Variants in MYO1F observed in about 807,000 individuals in gnomAD.
The protein encoded by MYO1F is myosin IF.
MYO1F carries 60 observed loss-of-function variants against 146.6 expected under a neutral mutation model. That is an observed-to-expected ratio of 0.41 (90% CI 0.33 to 0.51). The LOEUF is 0.51. Ranked by LOEUF, MYO1F falls within the 20% of genes least tolerant of loss-of-function variation. The pLI is 0.25. For missense variants in MYO1F, 1,274 were observed against 1,534.3 expected, an observed-to-expected ratio of 0.83 and a Z score of 2.83; for synonymous variants, 602 against 602.1, an observed-to-expected ratio of 1.00 and a Z score of 0.00.
intron 2 of MYO1F, 81 bp downstream of exon 2, chr19:8,555,578 C>G: frequency 6.3e-7 from 1 of 1,591,836 alleles, no homozygotes; most frequent in Non-Finnish European, 8.6e-7. Flanking sequence ...CCTCCCTCTG[C>G]TCCTTCACCC....
At chr19:8,552,675 C>T (rs1973664710) in intron 6 of MYO1F, among the ~76,000 whole-genome samples, 1 of 151,866 alleles carries the variant, frequency 6.6e-6, no homozygotes, top group African/African-American at 2.4e-5. Context: ...ACAGAGGAAA[C>T]TCAGGAAGTT....
intron 13 of MYO1F, 29 bp downstream of exon 13, chr19:8,545,621 G>T (rs575808820): frequency 1.3e-6 from 2 of 1,584,522 alleles, no homozygotes; most frequent in Non-Finnish European, 1.7e-6. Context: ...CCAGTGAGAC[G>T]CCCCCGCCAA....
chr19:8,536,552 C>G lies in MYO1F; in HGVS notation c.1845G>C (p.Arg615Ser), dbSNP rs761041920. The G allele has an allele frequency of 6.2e-7, 1 of 1,611,366 alleles. No individual in the cohort carries two copies. Reference sequence around the variant, plus strand: ...GGTAGGCGAAGCCGGCTCTGCGCACCCTGATGTTCTCCTTCAGGCCCAGGT... The same window carrying G: ...GGTAGGCGAAGCCGGCTCTGCGCACGCTGATGTTCTCCTTCAGGCCCAGGT... The part of the protein sequence containing the change: ...VEYLGLKENI[R>S]VRRAGFAYRR... Residue 615 changes from arginine to serine, a missense_variant, in exon 18 of 28, where the codon AGG (arginine) becomes AGC (serine). By Grantham distance (110) the Arg-to-Ser change is moderately radical (BLOSUM62 -1). This residue lies in a region of MYO1F where 900 missense variants were observed against 1,155.1 expected (regional missense o/e 0.78). Transcript: ENST00000644032.
chr19:8,529,221 C>G (rs1222584141), intron 21 of MYO1F, among the ~76,000 whole-genome samples: 1 of 152,068 alleles, frequency 6.6e-6, no homozygotes, highest in Non-Finnish European at 1.5e-5. Flanking sequence ...TGTGTACCTG[C>G]CACACATAGG....
chr19:8,524,067 C>G (rs1167754203), intron 25 of MYO1F, among the ~76,000 whole-genome samples: 34 of 124,418 alleles, frequency 2.7e-4, no homozygotes, highest in Non-Finnish European at 3.0e-4. Flanking sequence ...TACAGTGAGC[C>G]AAGATCACGC....
intron 12 of MYO1F, 40 bp downstream of exon 12, chr19:8,547,996 C>CCCCCCCCCA: frequency 1.8e-6 from 2 of 1,100,026 alleles, no homozygotes; most frequent in Non-Finnish European, 2.8e-6. Context: ...ACCCCACCCC[C>CCCCCCCCCA]ACCCCAGGAT....
chr19:8,532,133 A>C (rs1972512785), intron 19 of MYO1F, among the ~76,000 whole-genome samples: 1 of 151,974 alleles, frequency 6.6e-6, no homozygotes, highest in Non-Finnish European at 1.5e-5. Flanking sequence ...CCCTGAAAAA[A>C]GAAAAGAATG....
chr19:8,560,741 A>ATTTTT (rs1170657948), intron 1 of MYO1F, among the ~76,000 whole-genome samples: 2 of 53,906 alleles, frequency 3.7e-5, no homozygotes, highest in Non-Finnish European at 6.4e-5. Flanking sequence ...ACGCCTGGCT[A>ATTTTT]ATTTTTTTTT....
At chr19:8,553,914 T>TCTCTCTCTCTCTCTCTCG (rs1178542513) in intron 4 of MYO1F, among the ~76,000 whole-genome samples, 22 of 135,790 alleles carry the variant, frequency 1.6e-4, no homozygotes, top group African/African-American at 4.3e-4. Flanking sequence ...TCTCTCTCTC[T>TCTCTCTCTCTCTCTCTCG]CTCTCTCTCG....
chr19:8,574,612 T>A (rs1375180111), intron 1 of MYO1F, among the ~76,000 whole-genome samples: 1 of 48,604 alleles, frequency 2.1e-5, no homozygotes, highest in Non-Finnish European at 3.9e-5. Context: ...TTTCTTTCTT[T>A]CTTTCTTTCT....
Position 8,525,507 on chromosome 19 carries a change from A to G in MYO1F, c.2826T>C (p.Pro942=). 2 of 1,613,524 alleles carry G rather than the reference A, an allele frequency of 1.2e-6. No individual in the cohort carries two copies. The highest frequency in any genetic ancestry group is 1.7e-6 in the Non-Finnish European group (2 of 1,179,960). ...KGKPRRSSQA[P]TRAAPAPPRG... is the part of the protein sequence containing the mutation. ...TGGGGGGCGCAGGGGCCGCCCGGGT[A>G]GGGGCTTGGGACGACCTCCGAGGTT... The change falls in exon 25 of 28, where the codon CCT becomes CCC. Residue 942 remains proline, a synonymous_variant. Transcript: ENST00000644032.
rs1555725736 is a variant in MYO1F, at chr19:8,550,270, C to T, written c.991G>A (p.Gly331Ser). The T allele has an allele frequency of 6.2e-7, 1 of 1,614,202 alleles. No homozygotes were observed. The change falls in exon 10 of 28, where the codon GGC becomes AGC. Residue 331 changes from glycine (G) to serine (S), a missense_variant. Physicochemically the swap from Gly to Ser is moderately conservative, Grantham distance 56. Transcript: ENST00000644032. ...ACATTGATGGACTCGCTGCGCCCGC[C>T]CCAGCGGCTGTCCATCTTGCGGCTG... ...LTSRKMDSRW[G>S]GRSESINVTL...
At chr19:8,558,429 G>A (rs1360225873) in intron 1 of MYO1F, among the ~76,000 whole-genome samples, 1 of 152,022 alleles carries the variant, frequency 6.6e-6, no homozygotes, top group Non-Finnish European at 1.5e-5. Flanking sequence ...GCCTCCCAAA[G>A]TGCTGGAATT....
intron 1 of MYO1F, chr19:8,576,767 C>T (rs1332834047): frequency 1.2e-5 from 2 of 163,618 alleles, no homozygotes; most frequent in East Asian, 3.6e-4. Flanking sequence ...CACCCCATCG[C>T]TTGTTAGACA....
chr19:8,542,142 G>GTA, intron 14 of MYO1F, 151 bp from the exon 15 acceptor site: 1 of 649,680 alleles, frequency 1.5e-6, no homozygotes, highest in Non-Finnish European at 2.8e-6. Flanking sequence ...TGGCTGGGGG[G>GTA]TATCTACAGT....
At position 8,530,544 on chromosome 19, in the gene MYO1F, T is replaced by C. The variant is rs1473808566; in HGVS notation, c.2073A>G (p.Arg691=). ...TGGTTCGGGCAAAGCCATCGAACTTTCGCTCTCGCACCTCCTCCAGGAGGA... is the reference window on the plus strand; with the variant it reads ...TGGTTCGGGCAAAGCCATCGAACTTCCGCTCTCGCACCTCCTCCAGGAGGA... The part of the protein sequence containing the change: ...SLFLLEEVRE[R]KFDGFARTIQ... The change falls in exon 20 of 28, where the codon CGA becomes CGG. Residue 691 remains arginine, a synonymous_variant. Coordinates refer to ENST00000644032, the MANE Select transcript of MYO1F (RefSeq NM_012335.4). The surrounding 1 kb of genome is among the most constrained non-coding windows in gnomAD (Gnocchi z 5.8). The C allele has an allele frequency of 1.9e-6, 3 of 1,612,918 alleles. No homozygotes were observed. The highest frequency in any genetic ancestry group is 1.3e-5 in the African/African-American group (1 of 74,936).
At chr19:8,542,801 C>T (rs1973038700) in intron 14 of MYO1F, among the ~76,000 whole-genome samples, 1 of 150,464 alleles carries the variant, frequency 6.6e-6, no homozygotes, top group Admixed American at 6.6e-5. Flanking sequence ...GACGGGGTTT[C>T]AATATGTTAG....
chr19:8,565,345 C>G (rs1433761383), intron 1 of MYO1F, among the ~76,000 whole-genome samples: 1 of 151,792 alleles, frequency 6.6e-6, no homozygotes, highest in East Asian at 1.9e-4. Context: ...GAGTTTGAGA[C>G]CAGCCTGACC....
intron 1 of MYO1F, among the ~76,000 whole-genome samples, chr19:8,559,463 C>G (rs1973987360): frequency 1.3e-5 from 2 of 151,162 alleles, no homozygotes; most frequent in South Asian, 4.2e-4. Flanking sequence ...GATCTGGGTT[C>G]TGATCCTGAC....
Sources: allele counts gnomAD v4.1 joint callset (sites outside exome capture counted in the v4.1 genomes callset), GRCh38; gene constraint gnomAD v4.1.1; regional missense constraint gnomAD v4.1.1; non-coding constraint Gnocchi (gnomAD v3.1); transcripts MANE v1.5; gene names NCBI Gene and HGNC (gene_info 2026-07-23, HGNC 2026-07-21).